The following PALS2 variants were observed in gnomAD, a reference collection of about 807,000 sequenced individuals.
PALS2 encodes the protein protein associated with LIN7 2, MAGUK p55 family member.
Under a neutral mutation model 61.6 loss-of-function variants are expected in PALS2, and 27 were observed. That is an observed-to-expected ratio of 0.44 (90% CI 0.32 to 0.60). The LOEUF (loss-of-function observed/expected upper bound fraction) is 0.60, where lower values mean the gene tolerates loss of function less well. Ranked by LOEUF, PALS2 falls within the 20% of genes least tolerant of loss-of-function variation. The pLI is 0.05. For missense variants in PALS2, 554 were observed against 639.4 expected (o/e 0.87, Z 1.44); for synonymous variants, 236 against 218.6 (o/e 1.08, Z -0.70).
intron 7 of PALS2, 135 bp from the exon 8 acceptor site, chr7:24,665,886 C>G (rs1220929404): frequency 2.0e-6 from 2 of 978,926 alleles, no homozygotes; most frequent in Non-Finnish European, 1.5e-6. Context: ...AGTGGCTTAA[C>G]TCACCTCCAC....
intron 2 of PALS2, among the ~76,000 whole-genome samples, chr7:24,638,491 C>T (rs1412887283): frequency 5.2e-5 from 4 of 76,288 alleles, no homozygotes; most frequent in South Asian, 5.0e-4. Flanking sequence ...CCACTACGCC[C>T]GGCTAATTTT....
Position 24,653,788 on chromosome 7 carries a change from C to T in PALS2, c.651+3076C>T, listed in dbSNP as rs201102637. On this transcript the variant is annotated intron_variant, in intron 5 of 11. Coordinates refer to ENST00000222644, the MANE Select transcript of PALS2 (RefSeq NM_001303037.2). ...AGGAATGGTGATCTTCATTAACAAT[C>T]CCAGTGTTCAGACATCTCTAGCAGC... Among the ~76,000 whole-genome samples the T allele has an allele frequency of 3.3e-5, 5 of 152,292 alleles. No individual in the cohort carries two copies. In the East Asian group the frequency reaches 9.6e-4, roughly 29 times the overall value.
chr7:24,622,273 T>A (rs1027194058), intron 1 of PALS2, among the ~76,000 whole-genome samples: 3 of 152,034 alleles, frequency 2.0e-5, no homozygotes, highest in African/African-American at 7.2e-5. Flanking sequence ...TTGTTGCCAT[T>A]TTAATAATAA....
chr7:24,662,619 A>C lies in PALS2; in HGVS notation c.652-971A>C, dbSNP rs528151918. ...CCTGGTCTCTACTAAAAATACAAAA[A>C]TTAGCCAGGTGTGGTGGCACACGCC... On this transcript the variant is annotated intron_variant, in intron 5 of 11. Transcript: ENST00000222644. Among the ~76,000 whole-genome samples, 12 of 152,152 alleles carry C rather than the reference A, an allele frequency of 7.9e-5. No homozygotes were observed. In the South Asian group the frequency reaches 1.5e-3, roughly 18 times the overall value.
intron 1 of PALS2, among the ~76,000 whole-genome samples, chr7:24,603,676 G>A (rs1016041753): frequency 1.3e-5 from 2 of 152,146 alleles, no homozygotes; most frequent in Non-Finnish European, 2.9e-5. Flanking sequence ...GGCTGTTGGA[G>A]CACAATATTG....
Position 24,624,125 on chromosome 7 carries a change from C to G in PALS2, c.117+341C>G, listed in dbSNP as rs778908577. On this transcript the variant is annotated intron_variant, in intron 2 of 11. Coordinates refer to ENST00000222644, the MANE Select transcript of PALS2 (RefSeq NM_001303037.2). Reference sequence around the variant, plus strand: ...ACAATGGCAAAGTACTGATTTTCTTCTTTTGCATTAGACTGTGTACCTACT... The same window carrying G: ...ACAATGGCAAAGTACTGATTTTCTTGTTTTGCATTAGACTGTGTACCTACT... The G allele has an allele frequency of 1.1e-5, 15 of 1,308,354 alleles. 1 individual carries two copies. In the Admixed American group the frequency reaches 2.5e-4, roughly 22 times the overall value. The allele number at this position is 1,308,354 out of a possible 1,614,324, so 81.0% of individuals were successfully genotyped here. A position where few individuals can be genotyped will look rare whatever the true frequency, so the allele number is the denominator to read the frequency against.
At chr7:24,623,595 A>G in intron 1 of PALS2, 71 bp from the exon 2 acceptor site, 1 of 877,714 alleles carries the variant, frequency 1.1e-6, no homozygotes, top group Non-Finnish European at 1.7e-6. Flanking sequence ...TTACTCCATA[A>G]CGGCTTGAAA....
intron 1 of PALS2, among the ~76,000 whole-genome samples, chr7:24,574,947 G>A (rs1468778520): frequency 2.0e-5 from 3 of 152,208 alleles, no homozygotes; most frequent in African/African-American, 7.2e-5. Flanking sequence ...TGGGTAGTAG[G>A]CCTGATTATA....
Position 24,653,393 on chromosome 7 carries a change from C to CA in PALS2, c.651+2693dup, listed in dbSNP as rs34023639. Among the ~76,000 whole-genome samples the CA allele has an allele frequency of 8.0e-4, 119 of 148,854 alleles. No homozygotes were observed. In the Middle Eastern group the frequency reaches 0.01, roughly 13 times the overall value. ...GAAGGGAAAAGCCTTAATTTTATTACAAAAAAAAAAAATAGAACAAACATT... is the reference window on the plus strand; with the variant it reads ...GAAGGGAAAAGCCTTAATTTTATTACAAAAAAAAAAAAATAGAACAAACATT... On this transcript the variant is annotated intron_variant, in intron 5 of 11. Coordinates refer to ENST00000222644, the MANE Select transcript of PALS2 (RefSeq NM_001303037.2).
At chr7:24,655,318 G>A (rs559513728) in intron 5 of PALS2, among the ~76,000 whole-genome samples, 3 of 151,982 alleles carry the variant, frequency 2.0e-5, no homozygotes, top group Non-Finnish European at 4.4e-5. Flanking sequence ...ATTTTTTTAC[G>A]TTTAAAATAA....
chr7:24,635,397 C>T, intron 2 of PALS2, among the ~76,000 whole-genome samples: 1 of 152,054 alleles, frequency 6.6e-6, no homozygotes, highest in East Asian at 1.9e-4. Flanking sequence ...GTATATTGAT[C>T]TTATATATCT....
chr7:24,611,617 A>T (rs1031699761), intron 1 of PALS2, among the ~76,000 whole-genome samples: 2 of 152,016 alleles, frequency 1.3e-5, no homozygotes, highest in African/African-American at 4.8e-5. Flanking sequence ...AAATTTAATT[A>T]TATAGGTTTA....
At chr7:24,637,142 A>G (rs1458850801) in intron 2 of PALS2, among the ~76,000 whole-genome samples, 4 of 152,108 alleles carry the variant, frequency 2.6e-5, no homozygotes, top group African/African-American at 9.7e-5. Flanking sequence ...AGATATATCT[A>G]AGAGAAGCTC....
At chr7:24,625,574 T>G (rs982148769) in intron 2 of PALS2, among the ~76,000 whole-genome samples, 9 of 152,202 alleles carry the variant, frequency 5.9e-5, no homozygotes, top group African/African-American at 2.2e-4. Flanking sequence ...TTCTACCTAC[T>G]CCAACACCGG....
chr7:24,664,831 A>G (rs1475222134), intron 6 of PALS2, among the ~76,000 whole-genome samples: 2 of 151,604 alleles, frequency 1.3e-5, no homozygotes, highest in African/African-American at 2.4e-5. Context: ...TCTTTTTCCT[A>G]TGAATACGAT....
rs1283972446 is a variant in PALS2, at chr7:24,618,900, G to A, written c.-2-4766G>A. Among the ~76,000 whole-genome samples, 2 of 152,226 alleles carry A rather than the reference G, an allele frequency of 1.3e-5. No homozygotes were observed. The highest frequency in any genetic ancestry group is 4.8e-5 in the African/African-American group (2 of 41,468). On this transcript the variant is annotated intron_variant, in intron 1 of 11. Transcript: ENST00000222644. This position sits in a 1 kb window ranked among gnomAD's most constrained non-coding sequence, Gnocchi z 5.1. ...TATTGCCGTGGTCCTTTCTTGAAGC[G>A]GAGGAATGTGCACCAGACACTTACC...
intron 1 of PALS2, chr7:24,574,295 C>G (rs1188378615): frequency 6.6e-6 from 1 of 152,298 alleles, no homozygotes; most frequent in Non-Finnish European, 1.5e-5. Flanking sequence ...TTGTCTGAAA[C>G]CAAATAGGTG....
intron 3 of PALS2, among the ~76,000 whole-genome samples, chr7:24,644,117 T>C (rs892440815): frequency 1.3e-5 from 2 of 151,716 alleles, no homozygotes; most frequent in Non-Finnish European, 2.9e-5. Flanking sequence ...TTTTTACTTT[T>C]GTTTTAGGAT....
chr7:24,690,609 T>C lies in PALS2; in HGVS notation c.*2995T>C, dbSNP rs1424697238. ...TACCCATAGAGGTGATGTGCCTGGA[T>C]AAGTCATTTAACCATAGCTTAGTGA... On this transcript the variant is annotated 3_prime_UTR_variant, in exon 12 of 12. Coordinates refer to ENST00000222644, the MANE Select transcript of PALS2 (RefSeq NM_001303037.2). The C allele has an allele frequency of 1.3e-5, 2 of 152,214 alleles. No individual in the cohort carries two copies. Among genetic ancestry groups the C allele is most frequent in the African/African-American group, 2.4e-5 (1 of 41,464 alleles). The allele number at this position is 152,214 out of a possible 1,614,324, so 9.4% of individuals were successfully genotyped here.
Sources: gnomAD v4.1 joint callset for allele counts (sites outside exome capture counted in the v4.1 genomes callset) on GRCh38, gnomAD v4.1.1 for gene constraint, Gnocchi (gnomAD v3.1) non-coding constraint, MANE v1.5 for transcripts, NCBI Gene and HGNC (gene_info 2026-07-23, HGNC 2026-07-21) for gene names.